Variants in POLE observed in about 807,000 individuals in gnomAD.
POLE encodes DNA polymerase epsilon catalytic subunit A.
In POLE, 188 loss-of-function variants were observed where a neutral mutation model predicts 279.2. The observed-to-expected ratio is 0.67, with a 90% confidence interval of 0.60 to 0.76. POLE has a LOEUF of 0.76. POLE is among the 30% of genes least tolerant of loss of function. The pLI, the probability that POLE is intolerant of heterozygous loss-of-function variation, is 0.00. For synonymous variants in POLE, 1,214 were observed against 1,172.5 expected, an observed-to-expected ratio of 1.04 and a Z score of -0.72; for missense variants, 2,703 against 3,016.7, an observed-to-expected ratio of 0.90 and a Z score of 2.44.
chr12:132,672,480 CG>C (rs1332837891), intron 15 of POLE, 146 bp downstream of exon 15: 15 of 1,058,712 alleles, frequency 1.4e-5, no homozygotes, highest in East Asian at 2.5e-5. Flanking sequence ...AAGAAGCCCC[CG>C]GGGGGTGCTG....
intron 40 of POLE, chr12:132,638,637 C>G (rs2042080626): frequency 5.9e-6 from 1 of 169,450 alleles, no homozygotes; most frequent in African/African-American, 2.4e-5. Flanking sequence ...TCCATCAAAT[C>G]AGGATTCATC....
At position 132,642,435 on chromosome 12, in the gene POLE, C is replaced by T. The variant is rs533265469; in HGVS notation, c.4953-38G>A. The T allele has an allele frequency of 2.8e-5, 44 of 1,594,650 alleles. No homozygotes were observed. The South Asian group carries it at 3.6e-4, about 13-fold the overall frequency. On this transcript the variant is annotated intron_variant, in intron 37 of 48. Transcript: ENST00000320574. ...ACAGGTCAGCACCGGGGCACATCGCCGGGTCACAGAGACCACCGAGGCCGG... is the reference window on the plus strand; with the variant it reads ...ACAGGTCAGCACCGGGGCACATCGCTGGGTCACAGAGACCACCGAGGCCGG...
In POLE at chr12:132,675,659, G is replaced by T; in HGVS notation, c.1106+76C>A. 2 of 1,564,140 alleles carry T rather than the reference G, an allele frequency of 1.3e-6. No homozygotes were observed. The highest frequency in any genetic ancestry group is 1.8e-6 in the Non-Finnish European group (2 of 1,136,686). ...AGGAGCCACCTCCTAAGTCGACATG[G>T]GAAGCGCCCCTGCACCACGCAACGC... On this transcript the variant is annotated intron_variant, in intron 11 of 48. Transcript: ENST00000320574. The surrounding 1 kb of genome is among the most constrained non-coding windows in gnomAD (Gnocchi z 4.3).
intron 28 of POLE, 28 bp downstream of exon 28, chr12:132,657,321 C>G (rs751112471): frequency 2.0e-5 from 33 of 1,614,002 alleles, no homozygotes; most frequent in Non-Finnish European, 2.5e-5. Context: ...TTTAGCCCCA[C>G]AGCCCGTGCC....
chr12:132,665,217 G>A lies in POLE; in HGVS notation c.2468+85C>T, dbSNP rs1449888776. ...TTGAATCAGATGAACGGCCCTCCAT[G>A]CACAGCAGCCTACACCTGAAGCTGC... On this transcript the variant is annotated intron_variant, in intron 21 of 48. Coordinates refer to ENST00000320574, the MANE Select transcript of POLE (RefSeq NM_006231.4). 1.5e-5 allele frequency: 20 copies of A among 1,370,166 alleles called. No homozygotes were observed. In the East Asian group the frequency reaches 1.9e-4, roughly 13 times the overall value. The allele number at this position is 1,370,166 out of a possible 1,614,324, so 84.9% of individuals were successfully genotyped here.
At chr12:132,674,937 C>T (rs1047446901) in intron 12 of POLE, among the ~76,000 whole-genome samples, 2 of 151,678 alleles carry the variant, frequency 1.3e-5, no homozygotes, top group Admixed American at 1.3e-4. Flanking sequence ...TTTCCACATC[C>T]ACCTGTCTTC....
intron 27 of POLE, 146 bp from the exon 28 acceptor site, chr12:132,657,575 G>C (rs553311060): frequency 2.7e-6 from 2 of 736,092 alleles, no homozygotes; most frequent in Admixed American, 2.5e-5. Context: ...TTGCACAACA[G>C]AGGACACCAA....
At chr12:132,680,250 G>A (rs1357286721) in intron 3 of POLE, 28 bp from the exon 4 acceptor site, 2 of 1,605,248 alleles carry the variant, frequency 1.2e-6, no homozygotes, top group Admixed American at 1.7e-5. Context: ...CCCATCCAGG[G>A]GTGATGAGAA....
intron 25 of POLE, 38 bp from the exon 26 acceptor site, chr12:132,659,547 A>G: frequency 6.4e-7 from 1 of 1,566,652 alleles, no homozygotes; most frequent in Non-Finnish European, 8.8e-7. Flanking sequence ...GCAGAAATCA[A>G]GGGGCAGAGT....
At position 132,634,663 on chromosome 12, in the gene POLE, C is replaced by G. The variant is rs1242685102; in HGVS notation, c.5812-285G>C. ...CACTTTAATTGTTGAACTCCCACCC[C>G]CCAAGGACGAAAGAACCAGCCAGAG... On this transcript the variant is annotated intron_variant, in intron 42 of 48. Coordinates refer to ENST00000320574, the MANE Select transcript of POLE (RefSeq NM_006231.4). The surrounding 1 kb of genome is among the most constrained non-coding windows in gnomAD (Gnocchi z 4.0). 1.3e-5 allele frequency among the ~76,000 whole-genome samples: 2 copies of G among 152,196 alleles called. No homozygotes were observed. The highest frequency in any genetic ancestry group is 2.4e-5 in the African/African-American group (1 of 41,448).
chr12:132,665,688 G>A (rs994177710), intron 20 of POLE, among the ~76,000 whole-genome samples: 1 of 152,026 alleles, frequency 6.6e-6, no homozygotes. Flanking sequence ...TAGATTTCAC[G>A]GTCTGACATC....
At chr12:132,657,800 A>T (rs2042578686) in intron 27 of POLE, 68 bp downstream of exon 27, 3 of 1,041,106 alleles carry the variant, frequency 2.9e-6, no homozygotes, top group Admixed American at 2.0e-5. Context: ...AATCCAACTC[A>T]GACATATTCT....
chr12:132,650,112 G>T (rs2042389583), intron 29 of POLE, among the ~76,000 whole-genome samples: 2 of 152,248 alleles, frequency 1.3e-5, no homozygotes, highest in Admixed American at 6.5e-5. Flanking sequence ...GGTAGGCTGA[G>T]GCAGGAGGAT....
intron 41 of POLE, 59 bp from the exon 42 acceptor site, chr12:132,636,083 C>A (rs761375202): frequency 4.8e-5 from 75 of 1,561,198 alleles, no homozygotes; most frequent in Non-Finnish European, 6.3e-5. Context: ...CTCAACTTTC[C>A]TTTATTTCCC....
intron 39 of POLE, chr12:132,641,371 T>A (rs2042137124): frequency 4.0e-6 from 2 of 502,896 alleles, no homozygotes; most frequent in East Asian, 7.3e-5. Flanking sequence ...TTTGGTCACA[T>A]CGAAAAGTGG....
At chr12:132,640,796 T>C (rs1593725338) in intron 39 of POLE, among the ~76,000 whole-genome samples, 1 of 152,146 alleles carries the variant, frequency 6.6e-6, no homozygotes, top group East Asian at 1.9e-4. Flanking sequence ...GCAGTTTGGG[T>C]ATCTGCTGTT....
In POLE at chr12:132,643,990, C is replaced by A. The variant is rs780409701; in HGVS notation, c.4150-13G>T. 2 of 1,608,786 alleles carry A rather than the reference C, an allele frequency of 1.2e-6. No homozygotes were observed. The highest frequency in any genetic ancestry group is 1.1e-5 in the South Asian group (1 of 90,886). The stretch of plus-strand genomic sequence containing the variant: ...GGACCCGATTTACCTGGCGAGAATA[C>A]GACGATGATCTCGTCACTGGGCGTA... On this transcript the variant is annotated splice_polypyrimidine_tract_variant and intron_variant, in intron 32 of 48. Transcript: ENST00000320574.
In POLE at chr12:132,639,392, T is replaced by C; in HGVS notation, c.5379-94A>G. The C allele has an allele frequency of 3.3e-6, 4 of 1,212,834 alleles. No homozygotes were observed. Among genetic ancestry groups the C allele is most frequent in the Non-Finnish European group, 3.5e-6 (3 of 854,814 alleles). 75.1% of individuals were successfully genotyped at this position (1,212,834 alleles called of 1,614,324 possible). A position where few individuals can be genotyped will look rare whatever the true frequency, so the allele number is the denominator to read the frequency against. On this transcript the variant is annotated intron_variant, in intron 39 of 48. Coordinates refer to ENST00000320574, the MANE Select transcript of POLE (RefSeq NM_006231.4). The surrounding 1 kb of genome is among the most constrained non-coding windows in gnomAD (Gnocchi z 4.7). ...AACTGAAATGGGCACAGGTTTTCCC[T>C]ACACGGCTGGGTCCAAATCCGTCAC...
rs2138604979 is a variant in POLE at position 132,649,319 on chromosome 12, C to T, written c.3992G>A (p.Trp1331Ter). The T allele has an allele frequency of 6.2e-7, 1 of 1,613,634 alleles. No individual in the cohort carries two copies. The highest frequency in any genetic ancestry group is 1.3e-5 in the African/African-American group (1 of 75,050). Residue 1331 changes from tryptophan (W) to a stop codon, truncating the protein, a stop_gained, in exon 31 of 49, where the codon TGG becomes TAG. Transcript: ENST00000320574. LOFTEE classifies it high-confidence loss of function. ...RTARSILDLP[W>*]QIVQISETSQ... Reference sequence around the variant, plus strand: ...CAAGGTCTATACCTGCACAATCTGCCACGGAAGGTCCAGGATGCTGCGGGC... The same window carrying T: ...CAAGGTCTATACCTGCACAATCTGCTACGGAAGGTCCAGGATGCTGCGGGC...
Sources: allele counts gnomAD v4.1 joint callset (sites outside exome capture counted in the v4.1 genomes callset), GRCh38; gene constraint gnomAD v4.1.1; non-coding constraint Gnocchi (gnomAD v3.1); transcripts MANE v1.5; gene names NCBI Gene and HGNC (gene_info 2026-07-23, HGNC 2026-07-21).